Variants in CUX1 observed in about 807,000 individuals in gnomAD.
CUX1 encodes the protein protein CASP.
In CUX1, 31 loss-of-function variants were observed where a neutral mutation model predicts 158.8. That is an observed-to-expected ratio of 0.20 (90% confidence interval 0.15 to 0.26). CUX1 has a LOEUF of 0.26. CUX1 is among the 10% of genes least tolerant of loss of function. The pLI is 1.00. For missense variants in CUX1, 1,589 were observed against 2,014.6 expected, an observed-to-expected ratio of 0.79 and a Z score of 4.04; for synonymous variants, 879 against 862.1, an observed-to-expected ratio of 1.02 and a Z score of -0.34.
intron 10 of CUX1, among the ~76,000 whole-genome samples, chr7:102,175,395 A>G (rs144722587): frequency 3.5e-4 from 53 of 152,310 alleles, no homozygotes; most frequent in African/African-American, 1.1e-3. Context: ...TAAGATGAAG[A>G]CGTGATATAG....
At chr7:101,829,496 A>G (rs909199135) in intron 1 of CUX1, among the ~76,000 whole-genome samples, 1 of 152,086 alleles carries the variant, frequency 6.6e-6, no homozygotes, top group Non-Finnish European at 1.5e-5. Flanking sequence ...AGTTGGGGTT[A>G]CATCCCGGAC....
At chr7:102,218,125 G>A (rs1462573425) in intron 20 of CUX1, among the ~76,000 whole-genome samples, 1 of 152,208 alleles carries the variant, frequency 6.6e-6, no homozygotes, top group Non-Finnish European at 1.5e-5. Context: ...TCCAGACCCT[G>A]CCCTGACACT....
At chr7:101,919,514 C>G (rs537727959) in intron 2 of CUX1, among the ~76,000 whole-genome samples, 1 of 152,290 alleles carries the variant, frequency 6.6e-6, no homozygotes, top group Admixed American at 6.5e-5. Context: ...TGGATGCAGC[C>G]CACGATCCCC....
intron 4 of CUX1, among the ~76,000 whole-genome samples, chr7:102,082,563 A>T (rs1827545055): frequency 6.8e-6 from 1 of 147,284 alleles, no homozygotes; most frequent in African/African-American, 2.4e-5. Flanking sequence ...CGCTCATTTC[A>T]AGTGTGCAGT....
In CUX1 at chr7:102,273,100, C is replaced by T. The variant is rs77164169; in HGVS notation, c.1256-266C>T. ...GGTTTCTCCTAATCCCTGACCTGAG[C>T]TCCTTCTCCTACCCAGGGGATTTCA... is the stretch of plus-strand genomic sequence containing the variant. On this transcript the variant is annotated intron_variant, in intron 14 of 22. Coordinates refer to the CUX1 transcript ENST00000292538. 3.2e-3 allele frequency among the ~76,000 whole-genome samples: 495 copies of T among 152,362 alleles called. 2 individuals carry two copies. Among genetic ancestry groups the T allele is most frequent in the Middle Eastern group, 0.017 (5 of 294 alleles).
intron 15 of CUX1, chr7:102,273,531 C>G: frequency 6.3e-7 from 1 of 1,579,116 alleles, no homozygotes; most frequent in Non-Finnish European, 8.6e-7. Context: ...ATCTCGATAC[C>G]TGCCCAACTG....
chr7:102,233,718 C>T (rs965722381), intron 21 of CUX1, among the ~76,000 whole-genome samples: 2 of 152,204 alleles, frequency 1.3e-5, no homozygotes, highest in South Asian at 2.1e-4. Flanking sequence ...ACCTGGGAGG[C>T]GGAGGTTGCA....
chr7:102,021,222 T>C (rs949697089), intron 2 of CUX1, among the ~76,000 whole-genome samples: 2 of 152,180 alleles, frequency 1.3e-5, no homozygotes, highest in African/African-American at 4.8e-5. Flanking sequence ...GTTGTACCTC[T>C]TAAATGCAGT....
intron 8 of CUX1, among the ~76,000 whole-genome samples, chr7:102,138,967 G>A (rs551204900): frequency 5.9e-5 from 9 of 152,176 alleles, no homozygotes; most frequent in Admixed American, 3.3e-4. Flanking sequence ...CAGCTTGGCC[G>A]GGCATTGTGG....
chr7:102,127,310 G>A (rs868942857), intron 8 of CUX1, among the ~76,000 whole-genome samples: 15 of 152,116 alleles, frequency 9.9e-5, no homozygotes, highest in African/African-American at 3.1e-4. Flanking sequence ...GGGCTTGAGC[G>A]ATCCTCCCAC....
At chr7:101,971,550 C>T (rs1207753117) in intron 2 of CUX1, among the ~76,000 whole-genome samples, 1 of 152,124 alleles carries the variant, frequency 6.6e-6, no homozygotes. Flanking sequence ...GACAACTATC[C>T]AAAGTTCCCC....
Position 101,833,523 on chromosome 7 carries a change from C to G in CUX1, c.30+15854C>G, listed in dbSNP as rs146949744. 4.0e-3 allele frequency among the ~76,000 whole-genome samples: 574 copies of G among 144,110 alleles called. 2 individuals carry two copies. The highest frequency in any genetic ancestry group is 6.3e-3 in the Non-Finnish European group (418 of 66,838). The allele number at this position is 144,110 out of a possible 152,430, so 94.5% of individuals were successfully genotyped here. A position where few individuals can be genotyped will look rare whatever the true frequency, so the allele number is the denominator to read the frequency against. On this transcript the variant is annotated intron_variant, in intron 1 of 23. Transcript: ENST00000292535. ...TGACGTATGACAGTGCCATTCCACT[C>G]CAGCCTGGGTGACAGAGCAAGAGGA...
chr7:102,166,353 C>T (rs1334187991), intron 9 of CUX1, among the ~76,000 whole-genome samples: 1 of 152,204 alleles, frequency 6.6e-6, no homozygotes, highest in Non-Finnish European at 1.5e-5. Context: ...AGGGGCCGTT[C>T]TCATGGTGGG....
intron 11 of CUX1, among the ~76,000 whole-genome samples, chr7:102,188,203 T>TA (rs1447854199): frequency 8.1e-5 from 11 of 135,778 alleles, no homozygotes; most frequent in East Asian, 4.0e-4. Flanking sequence ...TGTCTCTTTT[T>TA]TAAAAAAAAA....
chr7:102,258,307 A>C, downstream of CUX1: 1 of 530,700 alleles, frequency 1.9e-6, no homozygotes, highest in Non-Finnish European at 2.4e-6. Context: ...TCGAGGTCCA[A>C]AGGGCACCTC....
At chr7:102,120,077 G>C (rs931163361) in intron 8 of CUX1, among the ~76,000 whole-genome samples, 1 of 152,172 alleles carries the variant, frequency 6.6e-6, no homozygotes, top group African/African-American at 2.4e-5. Context: ...CCAGAGAGAG[G>C]CCTGGGCATC....
At chr7:102,057,151 G>C (rs1056433358) in intron 3 of CUX1, among the ~76,000 whole-genome samples, 1 of 150,680 alleles carries the variant, frequency 6.6e-6, no homozygotes, top group Non-Finnish European at 1.5e-5. Context: ...TCCGCCCGCC[G>C]CAGCCTCCCA....
At chr7:102,073,302 T>C (rs1176966278) in intron 4 of CUX1, among the ~76,000 whole-genome samples, 1 of 148,506 alleles carries the variant, frequency 6.7e-6, no homozygotes, top group South Asian at 2.2e-4. Flanking sequence ...GCCTCCCACA[T>C]AGCTGTGATT....
chr7:101,853,624 G>A (rs1203538459), intron 1 of CUX1, among the ~76,000 whole-genome samples: 3 of 117,036 alleles, frequency 2.6e-5, no homozygotes, highest in African/African-American at 7.8e-5. Flanking sequence ...TGTGTGTGTC[G>A]GGGTAAAGAG....
Sources: gnomAD v4.1 joint callset for allele counts (sites outside exome capture counted in the v4.1 genomes callset) on GRCh38, gnomAD v4.1.1 for gene constraint, MANE v1.5 for transcripts, NCBI Gene and HGNC (gene_info 2026-07-23, HGNC 2026-07-21) for gene names.